CNNM2: variants seen among roughly 807,000 people sequenced by gnomAD.
CNNM2 encodes the protein metal transporter CNNM2.
Under a neutral mutation model 66.9 loss-of-function variants are expected in CNNM2, and 12 were observed. The ratio of observed to expected loss-of-function variants is 0.18; its 90% confidence interval spans 0.11 to 0.29. CNNM2 has a LOEUF of 0.29. CNNM2 is among the 10% of genes least tolerant of loss of function. The pLI is 1.00. For synonymous variants in CNNM2, 557 were observed against 501.8 expected (o/e 1.11, Z -1.47); for missense variants, 705 against 1,167.7 (o/e 0.60, Z 5.77).
intron 4 of CNNM2, among the ~76,000 whole-genome samples, chr10:103,063,383 C>A (rs568801924): frequency 6.6e-6 from 1 of 152,124 alleles, no homozygotes; most frequent in Non-Finnish European, 1.5e-5. Context: ...TTTGTGATGG[C>A]GATTTAAAAA....
rs182222284 is a variant in CNNM2, at chr10:103,084,196, G to C, written c.*7016G>C. The C allele has an allele frequency of 6.6e-6, 1 of 152,150 alleles. No individual in the cohort carries two copies. Among genetic ancestry groups the C allele is most frequent in the East Asian group, 1.9e-4 (1 of 5,186 alleles). The allele number at this position is 152,150 out of a possible 1,614,324, so 9.4% of individuals were successfully genotyped here. Reference sequence around the variant, plus strand: ...TCTATTTTACATTCCAAAGAGGATCGTGCTCTGAAAATTTAGCCTCTTGAC... The same window carrying C: ...TCTATTTTACATTCCAAAGAGGATCCTGCTCTGAAAATTTAGCCTCTTGAC... On this transcript the variant is annotated 3_prime_UTR_variant, in exon 8 of 8. Coordinates refer to ENST00000369878, the MANE Select transcript of CNNM2 (RefSeq NM_017649.5).
At chr10:103,045,589 AC>A (rs1215567954) in intron 1 of CNNM2, among the ~76,000 whole-genome samples, 1 of 130,198 alleles carries the variant, frequency 7.7e-6, no homozygotes, top group Admixed American at 8.3e-5. Context: ...CTTGCACCCC[AC>A]CCCCCGCCAC....
chr10:103,015,029 A>G (rs1804893963), intron 1 of CNNM2, among the ~76,000 whole-genome samples: 1 of 152,246 alleles, frequency 6.6e-6, no homozygotes, highest in Non-Finnish European at 1.5e-5. Context: ...AATAAGTCAA[A>G]TAGTCTCTTA....
chr10:103,001,809 G>A (rs1292969477), intron 1 of CNNM2, among the ~76,000 whole-genome samples: 2 of 151,910 alleles, frequency 1.3e-5, no homozygotes, highest in Non-Finnish European at 2.9e-5. Context: ...TTCGAGACCA[G>A]CCTAGCCAAA....
At chr10:103,018,270 AG>A (rs1332327238) in intron 1 of CNNM2, among the ~76,000 whole-genome samples, 3 of 152,134 alleles carry the variant, frequency 2.0e-5, no homozygotes, top group Non-Finnish European at 2.9e-5. Flanking sequence ...AAAAGAGAAG[AG>A]GTAAGGATGA....
intron 1 of CNNM2, among the ~76,000 whole-genome samples, chr10:102,944,415 C>T (rs899477705): frequency 5.9e-5 from 9 of 152,108 alleles, no homozygotes; most frequent in Non-Finnish European, 1.0e-4. Context: ...CTGGAAAATG[C>T]CCTGGCTTTT....
At chr10:103,033,590 C>T (rs1327225309) in intron 1 of CNNM2, among the ~76,000 whole-genome samples, 5 of 152,040 alleles carry the variant, frequency 3.3e-5, no homozygotes, top group Admixed American at 2.6e-4. Context: ...GAAATACATC[C>T]GTCTCTACAA....
chr10:103,037,805 A>G (rs1057137246), intron 1 of CNNM2, among the ~76,000 whole-genome samples: 2 of 152,178 alleles, frequency 1.3e-5, no homozygotes, highest in African/African-American at 2.4e-5. Flanking sequence ...CTGCCTGCCT[A>G]TAGTGTGTCA....
rs551373823 is a variant in CNNM2 at position 102,969,223 on chromosome 10, C to CT, written c.1621+49130dup. 1.5e-4 allele frequency among the ~76,000 whole-genome samples: 23 copies of CT among 150,292 alleles called. No homozygotes were observed. In the South Asian group the frequency reaches 4.2e-3, roughly 28 times the overall value. On this transcript the variant is annotated intron_variant, in intron 1 of 7. Coordinates refer to ENST00000369878, the MANE Select transcript of CNNM2 (RefSeq NM_017649.5). ...AGCCACTGCACTGCGCCTAGTAGTG[C>CT]TTTTTTTTGAGGCGGAGTCTCGCCC...
At chr10:102,998,268 G>C (rs1474643775) in intron 1 of CNNM2, among the ~76,000 whole-genome samples, 1 of 152,206 alleles carries the variant, frequency 6.6e-6, no homozygotes, top group Non-Finnish European at 1.5e-5. Context: ...CTACAGCAGG[G>C]AAGCCCCTCT....
At position 103,083,259 on chromosome 10, in the gene CNNM2, TAATTCAAATGATGTAGATGTAC is replaced by T. The variant is rs1475101763; in HGVS notation, c.*6081_*6102del. The T allele has an allele frequency of 1.3e-5, 2 of 152,274 alleles. No individual in the cohort carries two copies. Among genetic ancestry groups the T allele is most frequent in the African/African-American group, 4.8e-5 (2 of 41,478 alleles). The allele number at this position is 152,274 out of a possible 1,614,324, so 9.4% of individuals were successfully genotyped here. ...TGATTGTCTTAATGAATGCATTTTA[TAATTCAAATGATGTAGATGTAC>T]AGTCTCTCCTATTTATTTTGTACCA... On this transcript the variant is annotated 3_prime_UTR_variant, in exon 8 of 8. Transcript: ENST00000369878.
intron 1 of CNNM2, among the ~76,000 whole-genome samples, chr10:103,033,005 C>T (rs2064858953): frequency 6.6e-6 from 1 of 150,944 alleles, no homozygotes; most frequent in African/African-American, 2.4e-5. Context: ...GTAATCCCAG[C>T]TACTTATGAG....
At chr10:103,009,144 C>T (rs549155561) in intron 1 of CNNM2, among the ~76,000 whole-genome samples, 38 of 152,130 alleles carry the variant, frequency 2.5e-4, no homozygotes, top group African/African-American at 7.7e-4. Flanking sequence ...GGTGTGGTGG[C>T]GCATGCCTGT....
chr10:103,048,918 C>T (rs1306010079), intron 1 of CNNM2, among the ~76,000 whole-genome samples: 1 of 152,110 alleles, frequency 6.6e-6, no homozygotes, highest in Non-Finnish European at 1.5e-5. Context: ...TGCAGTGGCT[C>T]GATCATAGCT....
intron 1 of CNNM2, among the ~76,000 whole-genome samples, chr10:102,952,052 C>T (rs1846857311): frequency 6.6e-6 from 1 of 151,986 alleles, no homozygotes; most frequent in African/African-American, 2.4e-5. Flanking sequence ...ATCCACCCAC[C>T]TCGGCCTCCC....
At chr10:103,042,872 G>A (rs1164722430) in intron 1 of CNNM2, among the ~76,000 whole-genome samples, 1 of 152,094 alleles carries the variant, frequency 6.6e-6, no homozygotes, top group African/African-American at 2.4e-5. Context: ...AGTGACATGG[G>A]ACCTAAATTT....
intron 4 of CNNM2, 99 bp from the exon 5 acceptor site, chr10:103,068,530 G>T: frequency 2.0e-6 from 2 of 985,724 alleles, no homozygotes; most frequent in Admixed American, 2.0e-5. Flanking sequence ...GTTGGGAAAA[G>T]AAATCAGACA....
chr10:102,966,186 GAATA>G (rs1477458272), intron 1 of CNNM2, among the ~76,000 whole-genome samples: 1 of 148,052 alleles, frequency 6.8e-6, no homozygotes, highest in Admixed American at 6.6e-5. Context: ...GAAAAATCTG[GAATA>G]AATAAACTGG....
Position 102,950,985 on chromosome 10 carries a change from T to C in CNNM2, c.1621+30884T>C, listed in dbSNP as rs1846807498. 2.2e-5 allele frequency among the ~76,000 whole-genome samples: 3 copies of C among 133,498 alleles called. No individual in the cohort carries two copies. The South Asian group carries it at 7.7e-4, about 34-fold the overall frequency. 87.6% of individuals were successfully genotyped at this position (133,498 alleles called of 152,430 possible). A position where few individuals can be genotyped will look rare whatever the true frequency, so the allele number is the denominator to read the frequency against. On this transcript the variant is annotated intron_variant, in intron 1 of 7. Transcript: ENST00000369878. ...CAATAGGAATTCTTTCTTTCTCTTT[T>C]TTTTTTTTTTTTTTTTTTTTGAGAT...
Sources: allele counts gnomAD v4.1 joint callset (sites outside exome capture counted in the v4.1 genomes callset), GRCh38; gene constraint gnomAD v4.1.1; transcripts MANE v1.5; gene names NCBI Gene and HGNC (gene_info 2026-07-23, HGNC 2026-07-21).